Variants in ABCB1 observed in about 807,000 individuals in gnomAD.
ABCB1 encodes ATP-dependent translocase ABCB1.
A neutral mutation model predicts 142.0 loss-of-function variants in ABCB1; 69 were observed. The observed-to-expected ratio is 0.49, with a 90% CI of 0.40 to 0.59. The LOEUF is 0.59. ABCB1 is among the 20% of genes least tolerant of loss of function. ABCB1 has a pLI of 0.00. For synonymous variants in ABCB1, 532 were observed against 539.2 expected, an observed-to-expected ratio of 0.99 and a Z score of 0.18; for missense variants, 1,326 against 1,554.7, an observed-to-expected ratio of 0.85 and a Z score of 2.47.
At chr7:87,667,429 T>A (rs1173580324) in intron 1 of ABCB1, among the ~76,000 whole-genome samples, 2 of 152,070 alleles carry the variant, frequency 1.3e-5, no homozygotes, top group Non-Finnish European at 2.9e-5. Flanking sequence ...AATCATGTCA[T>A]CTGCAAACAG....
Position 87,544,187 on chromosome 7 carries a change from G to C in ABCB1, c.2153C>G (p.Ala718Gly). The C allele has an allele frequency of 6.2e-7, 1 of 1,613,794 alleles. No individual in the cohort carries two copies. The highest frequency in any genetic ancestry group is 8.5e-7 in the Non-Finnish European group (1 of 1,179,850). The change falls in exon 17 of 28, where the codon GCC becomes GGC. Residue 718 changes from alanine to glycine, a missense_variant. Physicochemically the swap from Ala to Gly is moderately conservative, Grantham distance 60. Transcript: ENST00000622132. ...TGGTTGCAGGCCTCCATTTATAATG[G>C]CACAAAATACACCAACAACAAAATA... ...WPYFVVGVFCAIINGGLQPAF... is the reference protein window; with the variant it reads ...WPYFVVGVFCGIINGGLQPAF...
At chr7:87,656,253 T>A (rs1296305838) in intron 1 of ABCB1, among the ~76,000 whole-genome samples, 1 of 152,110 alleles carries the variant, frequency 6.6e-6, no homozygotes, top group African/African-American at 2.4e-5. Flanking sequence ...TTTGTCAATT[T>A]AAAAATTTTT....
At chr7:87,648,102 G>A (rs1032294060) in intron 1 of ABCB1, among the ~76,000 whole-genome samples, 2 of 150,700 alleles carry the variant, frequency 1.3e-5, no homozygotes, top group African/African-American at 4.9e-5. Flanking sequence ...GGAGAATGGC[G>A]TGAACCGGGG....
Position 87,544,208 on chromosome 7 carries a change from A to C in ABCB1, c.2132T>G (p.Phe711Cys). The change falls in exon 17 of 28, where the codon TTT becomes TGT. Residue 711 changes from phenylalanine to cysteine, a missense_variant. By Grantham distance (205) the Phe-to-Cys change is radical. Transcript: ENST00000622132. Reference sequence around the variant, plus strand: ...AATGGCACAAAATACACCAACAACAAAATAAGGCCATTCAGTTAAATTTAG... The same window carrying C: ...AATGGCACAAAATACACCAACAACACAATAAGGCCATTCAGTTAAATTTAG... Reference protein sequence around the residue: ...MKLNLTEWPYFVVGVFCAIIN... With the variant: ...MKLNLTEWPYCVVGVFCAIIN... 6.2e-7 allele frequency: 1 copy of C among 1,613,948 alleles called. No homozygotes were observed. The highest frequency in any genetic ancestry group is 8.5e-7 in the Non-Finnish European group (1 of 1,179,902).
At chr7:87,581,962 A>G (rs968026796) in intron 4 of ABCB1, among the ~76,000 whole-genome samples, 5 of 152,180 alleles carry the variant, frequency 3.3e-5, no homozygotes, top group African/African-American at 4.8e-5. Context: ...GGCATGACAG[A>G]GCATGTTTGC....
At chr7:87,694,138 T>C (rs1270058491) in intron 1 of ABCB1, 12 of 635,306 alleles carry the variant, frequency 1.9e-5, no homozygotes, top group African/African-American at 4.0e-5. Flanking sequence ...AGTATGCTTA[T>C]GCTAATTTTA....
intron 1 of ABCB1, chr7:87,709,397 C>G (rs1230048167): frequency 2.0e-6 from 2 of 985,330 alleles, no homozygotes; most frequent in Non-Finnish European, 2.4e-6. Context: ...AGTAGCTTGC[C>G]TCTTCCTTCC....
upstream of ABCB1, among the ~76,000 whole-genome samples, chr7:87,605,070 G>A (rs890176117): frequency 1.3e-5 from 2 of 152,152 alleles, no homozygotes; most frequent in Non-Finnish European, 2.9e-5. Flanking sequence ...TACACTAGTA[G>A]GCTAAATGCC....
At chr7:87,570,340 C>T in intron 4 of ABCB1, 117 bp from the exon 5 acceptor site, 3 of 1,022,218 alleles carry the variant, frequency 2.9e-6, no homozygotes, top group Non-Finnish European at 3.1e-6. Flanking sequence ...ATAGGTCGAA[C>T]TGACTCAGTT....
At chr7:87,598,675 C>T (rs1346646745) in intron 2 of ABCB1, among the ~76,000 whole-genome samples, 2 of 152,090 alleles carry the variant, frequency 1.3e-5, no homozygotes, top group African/African-American at 2.4e-5. Flanking sequence ...TTTCAGTTTC[C>T]CTTCTCTCAG....
chr7:87,610,075 C>G (rs538468566), intron 1 of ABCB1, among the ~76,000 whole-genome samples: 5 of 152,152 alleles, frequency 3.3e-5, no homozygotes, highest in East Asian at 3.9e-4. Context: ...ATTTCCCTTG[C>G]GTGTCTTTTC....
At chr7:87,523,877 T>C (rs1036016665) in intron 21 of ABCB1, among the ~76,000 whole-genome samples, 2 of 152,186 alleles carry the variant, frequency 1.3e-5, no homozygotes, top group Admixed American at 1.3e-4. Context: ...TCCCTTTTAA[T>C]GCTATGATTT....
chr7:87,641,729 A>G (rs1054279867), intron 1 of ABCB1, among the ~76,000 whole-genome samples: 2 of 152,224 alleles, frequency 1.3e-5, no homozygotes, highest in South Asian at 4.1e-4. Context: ...TATGAAAGAA[A>G]GAAAGTGGAT....
At chr7:87,583,602 A>G (rs1436100759) in intron 4 of ABCB1, among the ~76,000 whole-genome samples, 1 of 152,104 alleles carries the variant, frequency 6.6e-6, no homozygotes, top group Non-Finnish European at 1.5e-5. Context: ...TGTTTAACCT[A>G]GGAGATTTTG....
intron 1 of ABCB1, among the ~76,000 whole-genome samples, chr7:87,689,448 C>CT (rs1256175551): frequency 1.3e-5 from 2 of 151,986 alleles, no homozygotes; most frequent in Non-Finnish European, 2.9e-5. Flanking sequence ...AAATTGCTTT[C>CT]TTTATTATTT....
At chr7:87,595,696 A>T (rs1439039189) in intron 3 of ABCB1, 70 bp downstream of exon 3, 1 of 1,237,908 alleles carries the variant, frequency 8.1e-7, no homozygotes, top group African/African-American at 1.5e-5. Context: ...CAGATGAAAT[A>T]TCTCTTTTCC....
intron 19 of ABCB1, among the ~76,000 whole-genome samples, chr7:87,538,508 C>T (rs1278121584): frequency 6.6e-5 from 10 of 152,136 alleles, no homozygotes; most frequent in Non-Finnish European, 7.3e-5. Flanking sequence ...AGCCAGGGTT[C>T]GAGTACCCCT....
chr7:87,574,522 C>T (rs1181338724), intron 4 of ABCB1, among the ~76,000 whole-genome samples: 1 of 152,162 alleles, frequency 6.6e-6, no homozygotes, highest in Non-Finnish European at 1.5e-5. Context: ...CGTCAACTCA[C>T]TCCACTCCCC....
At chr7:87,645,507 T>C (rs1822912195) in intron 1 of ABCB1, among the ~76,000 whole-genome samples, 1 of 152,212 alleles carries the variant, frequency 6.6e-6, no homozygotes. Flanking sequence ...GTCTCTTTTA[T>C]ATAAACTTTT....
Sources: allele counts gnomAD v4.1 joint callset (sites outside exome capture counted in the v4.1 genomes callset), GRCh38; gene constraint gnomAD v4.1.1; transcripts MANE v1.5; gene names NCBI Gene and HGNC (gene_info 2026-07-23, HGNC 2026-07-21).